The following RC3H2 variants were observed in gnomAD, a reference collection of about 807,000 sequenced individuals.
The protein encoded by RC3H2 is roquin-2.
RC3H2 carries 31 observed loss-of-function variants against 133.3 expected under a neutral mutation model. That is an observed-to-expected ratio of 0.23 (90% confidence interval 0.17 to 0.31). The LOEUF (loss-of-function observed/expected upper bound fraction) is 0.31, where lower values mean the gene tolerates loss of function less well. RC3H2 is among the 10% of genes least tolerant of loss of function. RC3H2 has a pLI of 1.00. For missense variants in RC3H2, 1,175 were observed against 1,437.2 expected (o/e 0.82, Z 2.95); for synonymous variants, 517 against 502.2 (o/e 1.03, Z -0.40).
chr9:122,899,504 C>A (rs1020763261), intron 1 of RC3H2, among the ~76,000 whole-genome samples: 1 of 152,172 alleles, frequency 6.6e-6, no homozygotes, highest in Admixed American at 6.5e-5. Flanking sequence ...AGCTCTAATG[C>A]AAATTATCTA....
intron 4 of RC3H2, among the ~76,000 whole-genome samples, chr9:122,886,977 A>AT (rs1329615047): frequency 6.6e-6 from 1 of 152,246 alleles, no homozygotes; most frequent in African/African-American, 2.4e-5. Flanking sequence ...AATTCTATAT[A>AT]AAAGTAGATT....
chr9:122,854,296 AAAGTG>A (rs1830162725), intron 16 of RC3H2, 30 bp from the exon 17 acceptor site: 2 of 1,558,296 alleles, frequency 1.3e-6, no homozygotes, highest in South Asian at 2.3e-5. Context: ...TATTGTAATA[AAAGTG>A]AAGTGAATGA....
intron 4 of RC3H2, among the ~76,000 whole-genome samples, chr9:122,887,663 T>C (rs896969044): frequency 5.9e-5 from 9 of 152,072 alleles, no homozygotes; most frequent in East Asian, 1.9e-4. Flanking sequence ...AGAAAAACAA[T>C]TGAGTCCGTA....
chr9:122,898,055 G>A (rs1037561817), intron 1 of RC3H2: 2 of 152,234 alleles, frequency 1.3e-5, no homozygotes, highest in Non-Finnish European at 2.9e-5. Context: ...AGAGACTCAA[G>A]TGTGAAGAAA....
chr9:122,875,084 TG>T, intron 9 of RC3H2: 1 of 1,321,880 alleles, frequency 7.6e-7, no homozygotes, highest in South Asian at 2.1e-5. Flanking sequence ...ATGTATTTCC[TG>T]GAGTCTCCCA....
At chr9:122,894,712 T>C (rs1011429851) in intron 2 of RC3H2, among the ~76,000 whole-genome samples, 2 of 152,092 alleles carry the variant, frequency 1.3e-5, no homozygotes, top group African/African-American at 2.4e-5. Context: ...AGACCCCATC[T>C]CTACTAAAAA....
Position 122,859,096 on chromosome 9 carries a change from T to C in RC3H2, c.1856A>G (p.Tyr619Cys), listed in dbSNP as rs774260943. 6.5e-7 allele frequency: 1 copy of C among 1,549,292 alleles called. No individual in the cohort carries two copies. The highest frequency in any genetic ancestry group is 8.7e-7 in the Non-Finnish European group (1 of 1,148,492). Reference protein sequence around the residue: ...EVPQYPQTGYYPPPPTVPAGV... With the variant: ...EVPQYPQTGYCPPPPTVPAGV... ...AGCTGGTACCGTTGGAGGTGGTGGA[T>C]AGTATCCTTGAAAATTGGAAAGAGG... Residue 619 changes from tyrosine (Y) to cysteine (C), a missense_variant, in exon 12 of 21, where the codon TAT (tyrosine) becomes TGT (cysteine). Tyr to Cys is a radical substitution (Grantham distance 194, BLOSUM62 -2). Coordinates refer to ENST00000357244, the MANE Select transcript of RC3H2 (RefSeq NM_001100588.3).
At chr9:122,890,076 G>C (rs1832096653) in intron 4 of RC3H2, 1 of 598,380 alleles carries the variant, frequency 1.7e-6, no homozygotes, top group African/African-American at 1.9e-5. Context: ...TGGATGTCGA[G>C]GCTGCAGTGA....
chr9:122,903,419 C>A (rs1219127611), intron 1 of RC3H2, among the ~76,000 whole-genome samples: 1 of 152,116 alleles, frequency 6.6e-6, no homozygotes, highest in Non-Finnish European at 1.5e-5. Flanking sequence ...AATATAAAAT[C>A]CTGAGTGTAA....
intron 8 of RC3H2, among the ~76,000 whole-genome samples, chr9:122,877,801 C>T (rs755030714): frequency 2.6e-5 from 4 of 152,106 alleles, no homozygotes; most frequent in African/African-American, 4.8e-5. Context: ...GAAGATTATT[C>T]GAAACTGGTT....
intron 1 of RC3H2, among the ~76,000 whole-genome samples, chr9:122,903,626 C>T (rs1421186999): frequency 6.6e-6 from 1 of 152,176 alleles, no homozygotes; most frequent in Non-Finnish European, 1.5e-5. Context: ...GTAATTAAAT[C>T]CTCATAGAAC....
intron 18 of RC3H2, among the ~76,000 whole-genome samples, chr9:122,853,465 T>A (rs1310416095): frequency 6.6e-6 from 1 of 151,572 alleles, no homozygotes; most frequent in Non-Finnish European, 1.5e-5. Flanking sequence ...AAAATCCCAA[T>A]GATCAGCCAG....
At chr9:122,880,299 C>T (rs915879922) in intron 6 of RC3H2, 174 bp from the exon 7 acceptor site, 12 of 855,924 alleles carry the variant, frequency 1.4e-5, no homozygotes, top group African/African-American at 4.9e-5. Flanking sequence ...TGAAATTCAT[C>T]ATTAGACACT....
At chr9:122,895,366 C>T (rs751660635) in intron 2 of RC3H2, among the ~76,000 whole-genome samples, 13 of 149,972 alleles carry the variant, frequency 8.7e-5, no homozygotes, top group Non-Finnish European at 1.8e-4. Context: ...TGGGGTTTCG[C>T]CATGTTGTCC....
rs142192853 is a variant in RC3H2, at chr9:122,869,045, G to T, written c.1326-3388C>A. ...GCCTCCCAAGTAGCTGGGATTACAG[G>T]CACGTGCCTGCCACCACGCCTGGTT... is the stretch of plus-strand genomic sequence containing the variant. On this transcript the variant is annotated intron_variant, in intron 9 of 20. Coordinates refer to ENST00000357244, the MANE Select transcript of RC3H2 (RefSeq NM_001100588.3). Among the ~76,000 whole-genome samples, 806 of 151,818 alleles carry T rather than the reference G, an allele frequency of 5.3e-3. 7 individuals carry two copies. The highest frequency in any genetic ancestry group is 0.019 in the African/African-American group (771 of 41,390).
chr9:122,858,585 G>A (rs894402225), intron 12 of RC3H2, 84 bp downstream of exon 12: 1 of 1,106,138 alleles, frequency 9.0e-7, no homozygotes, highest in Non-Finnish European at 1.3e-6. Context: ...ATTAGTAAGT[G>A]GAGGAGCCAG....
chr9:122,865,762 T>A lies in RC3H2; in HGVS notation c.1326-105A>T, dbSNP rs1233876721. 8.0e-5 allele frequency: 77 copies of A among 963,592 alleles called. No homozygotes were observed. In the South Asian group the frequency reaches 1.2e-3, roughly 15 times the overall value. The allele number at this position is 963,592 out of a possible 1,614,324, so 59.7% of individuals were successfully genotyped here. A position where few individuals can be genotyped will look rare whatever the true frequency, so the allele number is the denominator to read the frequency against. ...AATAGATTGAAAAAGGAGGAAACAGTTTTGACAAAAAGTTTCTTCAGCTAA... is the reference window on the plus strand; with the variant it reads ...AATAGATTGAAAAAGGAGGAAACAGATTTGACAAAAAGTTTCTTCAGCTAA... On this transcript the variant is annotated intron_variant, in intron 9 of 20. Coordinates refer to ENST00000357244, the MANE Select transcript of RC3H2 (RefSeq NM_001100588.3).
rs1201209530 is a variant in RC3H2, at chr9:122,846,702, T to G, written c.*2925A>C. ...GCAGTTTGGTTACCCACATTACACA[T>G]TTCCTCTCTTGTTGCTTTGTATCCT... On this transcript the variant is annotated 3_prime_UTR_variant, in exon 21 of 21. Transcript: ENST00000357244. 2.0e-5 allele frequency: 3 copies of G among 152,228 alleles called. No individual in the cohort carries two copies. The East Asian group carries it at 5.8e-4, about 29-fold the overall frequency. The allele number at this position is 152,228 out of a possible 1,614,324, so 9.4% of individuals were successfully genotyped here. A position where few individuals can be genotyped will look rare whatever the true frequency, so the allele number is the denominator to read the frequency against.
chr9:122,885,984 T>C (rs1831894740), intron 4 of RC3H2, among the ~76,000 whole-genome samples: 1 of 152,202 alleles, frequency 6.6e-6, no homozygotes, highest in Non-Finnish European at 1.5e-5. Context: ...GCCTCCTAGG[T>C]TCAAACGATT....
Sources: gnomAD v4.1 joint callset for allele counts (sites outside exome capture counted in the v4.1 genomes callset) on GRCh38, gnomAD v4.1.1 for gene constraint, MANE v1.5 for transcripts, NCBI Gene and HGNC (gene_info 2026-07-23, HGNC 2026-07-21) for gene names.